The following PTPRD variants were observed in gnomAD, a reference collection of about 807,000 sequenced individuals.
PTPRD encodes receptor-type tyrosine-protein phosphatase delta.
In PTPRD, 34 loss-of-function variants were observed where a neutral mutation model predicts 214.5. The observed-to-expected ratio is 0.16, with a 90% CI of 0.12 to 0.21. The LOEUF (loss-of-function observed/expected upper bound fraction) is 0.21. PTPRD is among the 10% of genes least tolerant of loss of function. The pLI is 1.00. For missense variants in PTPRD, 2,545 were observed against 2,398.7 expected (o/e 1.06, Z -1.27); for synonymous variants, 1,128 against 845.7 (o/e 1.33, Z -5.79).
chr9:10,078,163 T>C (rs1156542763), intron 3 of PTPRD, among the ~76,000 whole-genome samples: 1 of 151,878 alleles, frequency 6.6e-6, no homozygotes, highest in African/African-American at 2.4e-5. Context: ...TTTCTAAATA[T>C]AATCAAATAT....
At chr9:9,554,761 A>G (rs2081115469) in intron 8 of PTPRD, among the ~76,000 whole-genome samples, 1 of 152,116 alleles carries the variant, frequency 6.6e-6, no homozygotes, top group African/African-American at 2.4e-5. Context: ...AACACTTCTT[A>G]ACTACGCAGG....
chr9:10,015,914 G>A (rs1379923322), intron 4 of PTPRD, among the ~76,000 whole-genome samples: 1 of 152,094 alleles, frequency 6.6e-6, no homozygotes, highest in Non-Finnish European at 1.5e-5. Flanking sequence ...TTAAGACTTT[G>A]TACCATGTGT....
rs189588257 is a variant in PTPRD, at chr9:10,379,681, T to C, written c.-599-38664A>G. On this transcript the variant is annotated intron_variant, in intron 2 of 45. Coordinates refer to ENST00000381196, the MANE Select transcript of PTPRD (RefSeq NM_002839.4). ...TCAAAAAGAATATTTCCTTAAAAAGTATAAGTAAAAATTTCTGCATTAGTT... is the reference window on the plus strand; with the variant it reads ...TCAAAAAGAATATTTCCTTAAAAAGCATAAGTAAAAATTTCTGCATTAGTT... 1.1e-3 allele frequency among the ~76,000 whole-genome samples: 173 copies of C among 152,174 alleles called. 1 individual carries two copies. Among genetic ancestry groups the C allele is most frequent in the African/African-American group, 3.9e-3 (164 of 41,540 alleles).
chr9:9,901,860 G>A (rs1436595963), intron 5 of PTPRD, among the ~76,000 whole-genome samples: 1 of 152,276 alleles, frequency 6.6e-6, no homozygotes, highest in Non-Finnish European at 1.5e-5. Flanking sequence ...AGCAAGAGCA[G>A]GGGGAAGTGC....
intron 2 of PTPRD, among the ~76,000 whole-genome samples, chr9:10,583,671 A>G (rs2072879044): frequency 6.6e-6 from 1 of 151,502 alleles, no homozygotes; most frequent in Admixed American, 6.6e-5. Context: ...GTAGAGACAG[A>G]GTTTCACCAT....
At chr9:9,273,263 G>T (rs771557101) in intron 9 of PTPRD, among the ~76,000 whole-genome samples, 23 of 151,262 alleles carry the variant, frequency 1.5e-4, no homozygotes, top group African/African-American at 3.9e-4. Flanking sequence ...GAACTATCAG[G>T]CATTTATTTT....
intron 12 of PTPRD, among the ~76,000 whole-genome samples, chr9:8,727,583 G>A (rs1044497687): frequency 1.3e-5 from 2 of 152,256 alleles, no homozygotes; most frequent in African/African-American, 2.4e-5. Flanking sequence ...TATACTAAAG[G>A]GACTCTAACC....
At chr9:9,051,901 C>T (rs2099686475) in intron 10 of PTPRD, among the ~76,000 whole-genome samples, 1 of 152,188 alleles carries the variant, frequency 6.6e-6, no homozygotes, top group Admixed American at 6.5e-5. Context: ...TACAAAACAA[C>T]ATCATAATGA....
intron 3 of PTPRD, among the ~76,000 whole-genome samples, chr9:10,147,154 T>TCC (rs1279696025): frequency 1.3e-5 from 2 of 152,154 alleles, no homozygotes; most frequent in African/African-American, 4.8e-5. Context: ...CCCTTTTCTA[T>TCC]CCCTCTGACA....
At chr9:9,872,597 C>G (rs1275889124) in intron 5 of PTPRD, among the ~76,000 whole-genome samples, 3 of 151,810 alleles carry the variant, frequency 2.0e-5, no homozygotes, top group Admixed American at 2.0e-4. Flanking sequence ...GTCAAAACAA[C>G]CACCACCACC....
chr9:9,998,129 A>AAAAATATATATATAT (rs57991748), intron 4 of PTPRD, among the ~76,000 whole-genome samples: 65 of 91,446 alleles, frequency 7.1e-4, no homozygotes, highest in African/African-American at 8.8e-4. Context: ...AAAAAAAAAA[A>AAAAATATATATATAT]ATATATATAT....
chr9:10,184,117 C>T (rs982838095), intron 3 of PTPRD, among the ~76,000 whole-genome samples: 1 of 152,050 alleles, frequency 6.6e-6, no homozygotes, highest in Non-Finnish European at 1.5e-5. Context: ...AGATGATGCA[C>T]TGGTTTCAAT....
chr9:8,486,911 T>G (rs1419743502), intron 27 of PTPRD, among the ~76,000 whole-genome samples: 1 of 152,154 alleles, frequency 6.6e-6, no homozygotes, highest in East Asian at 1.9e-4. Context: ...ATGTAACAAG[T>G]GAGAAATCTA....
chr9:9,188,309 G>A (rs1003062565), intron 9 of PTPRD, among the ~76,000 whole-genome samples: 2 of 151,964 alleles, frequency 1.3e-5, no homozygotes, highest in Non-Finnish European at 2.9e-5. Flanking sequence ...CCAGTTTAAA[G>A]CAATTACAAT....
intron 9 of PTPRD, among the ~76,000 whole-genome samples, chr9:9,397,180 C>T (rs938908471): frequency 4.6e-5 from 7 of 151,940 alleles, no homozygotes; most frequent in African/African-American, 1.4e-4. Context: ...CAGGATATTA[C>T]TTTTCTAGTT....
At chr9:9,773,944 T>C (rs1028335331) in intron 5 of PTPRD, among the ~76,000 whole-genome samples, 1 of 152,222 alleles carries the variant, frequency 6.6e-6, no homozygotes, top group Non-Finnish European at 1.5e-5. Context: ...TAATATTATA[T>C]TGCCTGTACA....
intron 11 of PTPRD, among the ~76,000 whole-genome samples, chr9:8,881,549 C>T (rs1458011100): frequency 6.6e-6 from 1 of 152,074 alleles, no homozygotes; most frequent in Non-Finnish European, 1.5e-5. Flanking sequence ...GATATATTTA[C>T]AGTGGTATAA....
chr9:10,511,895 T>C (rs371657288), intron 2 of PTPRD, among the ~76,000 whole-genome samples: 21 of 111,482 alleles, frequency 1.9e-4, no homozygotes, highest in Admixed American at 2.8e-4. Context: ...CACACACACA[T>C]ATATATACAT....
At chr9:9,865,932 G>C (rs7341914) in intron 5 of PTPRD, among the ~76,000 whole-genome samples, 1 of 152,028 alleles carries the variant, frequency 6.6e-6, no homozygotes. Flanking sequence ...TGAAGACAGC[G>C]TCCCTCAGTG....
Sources: allele counts gnomAD v4.1 joint callset (sites outside exome capture counted in the v4.1 genomes callset), GRCh38; gene constraint gnomAD v4.1.1; transcripts MANE v1.5; gene names NCBI Gene and HGNC (gene_info 2026-07-23, HGNC 2026-07-21).